Variants in CNTNAP4 observed in about 807,000 individuals in gnomAD.
The protein encoded by CNTNAP4 is contactin-associated protein-like 4.
A neutral mutation model predicts 148.4 loss-of-function variants in CNTNAP4; 98 were observed. That is an observed-to-expected ratio of 0.66 (90% CI 0.56 to 0.78). The LOEUF (loss-of-function observed/expected upper bound fraction) is 0.78, where lower values mean the gene tolerates loss of function less well. CNTNAP4 is among the 30% of genes least tolerant of loss of function. The pLI, the probability that CNTNAP4 is intolerant of heterozygous loss-of-function variation, is 0.00. For synonymous variants in CNTNAP4, 730 were observed against 565.1 expected, an observed-to-expected ratio of 1.29 and a Z score of -4.14; for missense variants, 1,935 against 1,565.6, an observed-to-expected ratio of 1.24 and a Z score of -3.98.
At position 76,329,044 on chromosome 16, in the gene CNTNAP4, G is replaced by C. The variant is rs77023796; in HGVS notation, c.196+12521G>C. On this transcript the variant is annotated intron_variant, in intron 2 of 23. Coordinates refer to ENST00000611870, the MANE Select transcript of CNTNAP4 (RefSeq NM_033401.5). ...CTCTAAAAGTATTTTAAAATAAAAA[G>C]TTTGTTAAAAACACATGTAAATACT... 6.5e-3 allele frequency among the ~76,000 whole-genome samples: 987 copies of C among 152,272 alleles called. 7 individuals carry two copies. The highest frequency in any genetic ancestry group is 0.011 in the Non-Finnish European group (715 of 68,000).
intron 2 of CNTNAP4, among the ~76,000 whole-genome samples, chr16:76,334,451 ATCC>A (rs1339327974): frequency 6.6e-6 from 1 of 152,122 alleles, no homozygotes; most frequent in Non-Finnish European, 1.5e-5. Context: ...TTCACTCTTA[ATCC>A]CCAAACTGTG....
At chr16:76,365,848 A>T (rs1369846472) in intron 3 of CNTNAP4, among the ~76,000 whole-genome samples, 3 of 151,940 alleles carry the variant, frequency 2.0e-5, no homozygotes, top group Admixed American at 6.6e-5. Context: ...TAATTTTTAA[A>T]TTCTTAAGTT....
At chr16:76,552,025 T>C (rs921131843) in intron 21 of CNTNAP4, among the ~76,000 whole-genome samples, 1 of 152,188 alleles carries the variant, frequency 6.6e-6, no homozygotes, top group African/African-American at 2.4e-5. Context: ...CAGTTCCACA[T>C]GGCTGGGAGG....
intron 17 of CNTNAP4, among the ~76,000 whole-genome samples, chr16:76,534,917 G>C (rs4424935): frequency 0.052 from 7,930 of 152,178 alleles, 385 homozygotes; most frequent in East Asian, 0.27. Context: ...ACTTATTTCT[G>C]TATCGATCCC....
chr16:76,359,351 A>G (rs2013119203), intron 3 of CNTNAP4, among the ~76,000 whole-genome samples: 1 of 152,200 alleles, frequency 6.6e-6, no homozygotes, highest in African/African-American at 2.4e-5. Context: ...TAGAAAAACA[A>G]AAGACAAGTG....
intron 2 of CNTNAP4, among the ~76,000 whole-genome samples, chr16:76,317,061 T>C (rs1216510068): frequency 6.7e-6 from 1 of 149,858 alleles, no homozygotes; most frequent in Admixed American, 6.6e-5. Flanking sequence ...AAGTGAGGAG[T>C]TCAAGACCAG....
chr16:76,393,526 C>G (rs185777893), intron 3 of CNTNAP4, among the ~76,000 whole-genome samples: 1 of 152,206 alleles, frequency 6.6e-6, no homozygotes, highest in Admixed American at 6.5e-5. Context: ...TCCTGGGCCC[C>G]AAAGTGCTCA....
At chr16:76,515,854 A>T (rs1436928427) in intron 15 of CNTNAP4, among the ~76,000 whole-genome samples, 1 of 152,162 alleles carries the variant, frequency 6.6e-6, no homozygotes, top group Admixed American at 6.5e-5. Context: ...GAGAAATTGG[A>T]TCACTCATAC....
intron 3 of CNTNAP4, among the ~76,000 whole-genome samples, chr16:76,379,287 A>G (rs561377059): frequency 7.2e-5 from 11 of 152,296 alleles, no homozygotes; most frequent in African/African-American, 2.6e-4. Context: ...TCATCCTGAA[A>G]GAGAATGAGA....
intron 2 of CNTNAP4, among the ~76,000 whole-genome samples, chr16:76,327,250 T>C (rs1354969228): frequency 6.6e-6 from 1 of 152,196 alleles, no homozygotes; most frequent in Non-Finnish European, 1.5e-5. Context: ...TTCCCAACTT[T>C]AGGTCCATAC....
intron 3 of CNTNAP4, among the ~76,000 whole-genome samples, chr16:76,377,420 AAG>A (rs2015531566): frequency 1.3e-5 from 2 of 152,190 alleles, no homozygotes; most frequent in African/African-American, 4.8e-5. Context: ...GGAATGATGG[AAG>A]AGAGTCGGAA....
chr16:76,289,861 G>A (rs559344874), intron 1 of CNTNAP4, among the ~76,000 whole-genome samples: 47 of 152,076 alleles, frequency 3.1e-4, no homozygotes, highest in East Asian at 1.8e-3. Context: ...ATGAACCACC[G>A]CACCTGTCCT....
intron 15 of CNTNAP4, among the ~76,000 whole-genome samples, chr16:76,505,855 G>T (rs1161296585): frequency 1.0e-5 from 1 of 96,416 alleles, no homozygotes; most frequent in African/African-American, 2.6e-5. Flanking sequence ...AGCTATGATT[G>T]CACCACTGCA....
In CNTNAP4 at chr16:76,331,007, G is replaced by A. The variant is rs964617681; in HGVS notation, c.196+14484G>A. Reference sequence around the variant, plus strand: ...TACTAAAGTTTTTAAAAATTGTGGTGAAATTCACATAACATACAATTAACC... The same window carrying A: ...TACTAAAGTTTTTAAAAATTGTGGTAAAATTCACATAACATACAATTAACC... On this transcript the variant is annotated intron_variant, in intron 2 of 23. Transcript: ENST00000611870. 3.9e-5 allele frequency among the ~76,000 whole-genome samples: 6 copies of A among 152,166 alleles called. No individual in the cohort carries two copies. The South Asian group carries it at 8.3e-4, about 21-fold the overall frequency.
At chr16:76,498,507 G>C in intron 14 of CNTNAP4, 60 bp from the exon 15 acceptor site, 1 of 1,476,546 alleles carries the variant, frequency 6.8e-7, no homozygotes, top group Non-Finnish European at 9.2e-7. Context: ...TCTTGGTTTT[G>C]CAATGCAATA....
At chr16:76,393,780 G>A (rs1285964751) in intron 3 of CNTNAP4, among the ~76,000 whole-genome samples, 1 of 152,162 alleles carries the variant, frequency 6.6e-6, no homozygotes, top group African/African-American at 2.4e-5. Flanking sequence ...AGCCTGCGGT[G>A]CTATGAGAAC....
At chr16:76,317,046 A>G (rs954608791) in intron 2 of CNTNAP4, among the ~76,000 whole-genome samples, 2 of 152,010 alleles carry the variant, frequency 1.3e-5, no homozygotes, top group Non-Finnish European at 2.9e-5. Context: ...TGGGAAGATC[A>G]CTTGAAGTGA....
At chr16:76,398,758 C>T (rs555421546) in intron 3 of CNTNAP4, among the ~76,000 whole-genome samples, 1 of 152,044 alleles carries the variant, frequency 6.6e-6, no homozygotes, top group Non-Finnish European at 1.5e-5. Flanking sequence ...TTTTTAAGTA[C>T]AAAGCGATAT....
chr16:76,520,581 C>T (rs1270163100), intron 15 of CNTNAP4, among the ~76,000 whole-genome samples: 1 of 152,060 alleles, frequency 6.6e-6, no homozygotes, highest in African/African-American at 2.4e-5. Context: ...TCAGCTTGGA[C>T]AGAGTAAGCT....
Sources: gnomAD v4.1 joint callset for allele counts (sites outside exome capture counted in the v4.1 genomes callset) on GRCh38, gnomAD v4.1.1 for gene constraint, MANE v1.5 for transcripts, NCBI Gene and HGNC (gene_info 2026-07-23, HGNC 2026-07-21) for gene names.